PIP5K1B: variants seen among roughly 807,000 people sequenced by gnomAD.
PIP5K1B encodes phosphatidylinositol 4-phosphate 5-kinase type-1 beta.
In PIP5K1B, 42 loss-of-function variants were observed where a neutral mutation model predicts 67.0. The ratio of observed to expected loss-of-function variants is 0.63; its 90% CI spans 0.49 to 0.81. PIP5K1B has a LOEUF of 0.81. Among genes scored for constraint, PIP5K1B ranks in the 30% least tolerant of loss-of-function variants. PIP5K1B has a pLI of 0.00. For synonymous variants in PIP5K1B, 214 were observed against 231.4 expected (o/e 0.92, Z 0.68); for missense variants, 459 against 646.3 (o/e 0.71, Z 3.14).
intron 15 of PIP5K1B, among the ~76,000 whole-genome samples, chr9:69,007,213 A>G (rs1384505124): frequency 2.0e-5 from 3 of 152,244 alleles, no homozygotes; most frequent in Non-Finnish European, 4.4e-5. Context: ...TGTTAAACAG[A>G]ATTCCCTGTA....
At chr9:68,764,066 T>TATA (rs1184504599) in intron 2 of PIP5K1B, among the ~76,000 whole-genome samples, 2 of 143,062 alleles carry the variant, frequency 1.4e-5, no homozygotes, top group Admixed American at 1.4e-4. Flanking sequence ...ACCCCTCTAC[T>TATA]ATAACTTCTT....
At chr9:68,926,218 C>T (rs1243109436) in intron 12 of PIP5K1B, among the ~76,000 whole-genome samples, 1 of 152,108 alleles carries the variant, frequency 6.6e-6, no homozygotes, top group Non-Finnish European at 1.5e-5. Flanking sequence ...AATGTTCTAG[C>T]TTTGGTGAGC....
intron 13 of PIP5K1B, among the ~76,000 whole-genome samples, chr9:68,936,374 G>GT (rs10629225): frequency 0.068 from 10,155 of 150,300 alleles, 642 homozygotes; most frequent in African/African-American, 0.16. Flanking sequence ...TTTGCTAAAA[G>GT]TTTTTTTTTT....
At chr9:68,746,354 T>G (rs181923484) in intron 2 of PIP5K1B, among the ~76,000 whole-genome samples, 2 of 152,248 alleles carry the variant, frequency 1.3e-5, no homozygotes, top group Non-Finnish European at 2.9e-5. Flanking sequence ...GTGTTCACTC[T>G]TAACAAACAG....
chr9:68,735,489 A>G (rs1828694389), intron 1 of PIP5K1B, among the ~76,000 whole-genome samples: 1 of 151,928 alleles, frequency 6.6e-6, no homozygotes, highest in South Asian at 2.1e-4. Flanking sequence ...CCCGGGTTCA[A>G]GCTATTCTTG....
intron 8 of PIP5K1B, among the ~76,000 whole-genome samples, chr9:68,900,568 G>A (rs1015246737): frequency 2.0e-5 from 3 of 151,840 alleles, no homozygotes; most frequent in Non-Finnish European, 4.4e-5. Context: ...TAATAACTCT[G>A]GGAAATGACT....
At chr9:68,793,485 A>C (rs1396935514) in intron 2 of PIP5K1B, among the ~76,000 whole-genome samples, 1 of 152,138 alleles carries the variant, frequency 6.6e-6, no homozygotes, top group Non-Finnish European at 1.5e-5. Flanking sequence ...GCTAAATTAT[A>C]GGTATATTTT....
intron 2 of PIP5K1B, among the ~76,000 whole-genome samples, chr9:68,795,921 G>A (rs1379161957): frequency 6.6e-6 from 1 of 152,094 alleles, no homozygotes; most frequent in Non-Finnish European, 1.5e-5. Flanking sequence ...TTTTAATCAT[G>A]TGAAAAAAAG....
chr9:68,862,753 C>T (rs903172282), intron 4 of PIP5K1B, among the ~76,000 whole-genome samples: 1 of 151,692 alleles, frequency 6.6e-6, no homozygotes, highest in Non-Finnish European at 1.5e-5. Context: ...GGTTGCACGA[C>T]TGCACTCCAG....
intron 3 of PIP5K1B, among the ~76,000 whole-genome samples, chr9:68,821,517 CAGG>C (rs10537708): frequency 0.027 from 4,170 of 152,120 alleles, 199 homozygotes; most frequent in African/African-American, 0.094. Context: ...AAATTAAAAC[CAGG>C]AGATGATTTC....
At chr9:68,715,099 C>G (rs1339345425) in intron 1 of PIP5K1B, among the ~76,000 whole-genome samples, 6 of 152,218 alleles carry the variant, frequency 3.9e-5, no homozygotes. Flanking sequence ...AGGAAAAGGC[C>G]TGGGTTGCTT....
chr9:68,754,240 G>A (rs1829804026), intron 2 of PIP5K1B, among the ~76,000 whole-genome samples: 1 of 130,684 alleles, frequency 7.7e-6, no homozygotes, highest in Non-Finnish European at 1.5e-5. Flanking sequence ...CGCGATCTTG[G>A]CTCACTGCAA....
At chr9:68,774,402 A>T (rs1830811298) in intron 2 of PIP5K1B, among the ~76,000 whole-genome samples, 1 of 152,162 alleles carries the variant, frequency 6.6e-6, no homozygotes. Context: ...TCAGCATTCC[A>T]GTTTAGATTT....
chr9:68,735,984 G>T (rs1477917522), intron 1 of PIP5K1B, among the ~76,000 whole-genome samples: 2 of 152,328 alleles, frequency 1.3e-5, no homozygotes, highest in Non-Finnish European at 2.9e-5. Context: ...TGAGCCTGGA[G>T]CAGGGTCAGC....
chr9:68,963,721 A>T (rs908963893), intron 14 of PIP5K1B, among the ~76,000 whole-genome samples: 1 of 152,188 alleles, frequency 6.6e-6, no homozygotes. Context: ...GGGGGCATTC[A>T]TTATACAGTC....
chr9:68,714,726 T>G (rs1587329674), intron 1 of PIP5K1B, among the ~76,000 whole-genome samples: 1 of 152,190 alleles, frequency 6.6e-6, no homozygotes, highest in Non-Finnish European at 1.5e-5. Flanking sequence ...CTGATGTTTT[T>G]GCTCTCCTGG....
chr9:68,893,333 C>CTT (rs397792694), intron 7 of PIP5K1B, among the ~76,000 whole-genome samples: 75,016 of 110,796 alleles, frequency 0.68, 27,764 homozygotes, highest in Non-Finnish European at 0.76. Flanking sequence ...TATTTTTTTT[C>CTT]TTTTTTTTTT....
chr9:68,946,078 G>C (rs753935353), intron 14 of PIP5K1B, among the ~76,000 whole-genome samples: 2 of 152,176 alleles, frequency 1.3e-5, no homozygotes, highest in Non-Finnish European at 1.5e-5. Flanking sequence ...ATCGAGAAAA[G>C]ACTTTTATTA....
intron 6 of PIP5K1B, among the ~76,000 whole-genome samples, chr9:68,885,724 A>C (rs116872487): frequency 6.2e-4 from 94 of 152,190 alleles, no homozygotes; most frequent in Non-Finnish European, 1.6e-4. Context: ...CAAACTGCCT[A>C]TTGGGTACAA....
Sources: gnomAD v4.1 joint callset for allele counts (sites outside exome capture counted in the v4.1 genomes callset) on GRCh38, gnomAD v4.1.1 for gene constraint, MANE v1.5 for transcripts, NCBI Gene and HGNC (gene_info 2026-07-23, HGNC 2026-07-21) for gene names.